The following FHIT variants were observed in gnomAD, a reference collection of about 807,000 sequenced individuals.
FHIT encodes the protein fragile histidine triad diadenosine triphosphatase.
FHIT carries 19 observed loss-of-function variants against 17.9 expected under a neutral mutation model. That is an observed-to-expected ratio of 1.06 (90% CI 0.74 to 1.56). FHIT has a LOEUF of 1.56. Among genes scored for constraint, FHIT ranks in the 40% most tolerant of loss-of-function variants. The pLI, the probability that FHIT is intolerant of heterozygous loss-of-function variation, is 0.00. For missense variants in FHIT, 248 were observed against 189.2 expected (o/e 1.31, Z -1.82); for synonymous variants, 81 against 69.7 (o/e 1.16, Z -0.81).
At chr3:60,106,773 G>C (rs1704435209) in intron 5 of FHIT, among the ~76,000 whole-genome samples, 1 of 152,148 alleles carries the variant, frequency 6.6e-6, no homozygotes, top group African/African-American at 2.4e-5. Flanking sequence ...AATATTGATG[G>C]ACGGCAGGAA....
At chr3:60,210,511 A>G (rs1703398669) in intron 5 of FHIT, among the ~76,000 whole-genome samples, 1 of 113,670 alleles carries the variant, frequency 8.8e-6, no homozygotes, top group Non-Finnish European at 1.8e-5. Context: ...GCTTCACTAG[A>G]GATAAAAATC....
intron 5 of FHIT, among the ~76,000 whole-genome samples, chr3:60,491,698 T>G (rs9311766): frequency 0.1 from 15,876 of 152,226 alleles, 1,202 homozygotes; most frequent in East Asian, 0.36. Context: ...TAATCATTTT[T>G]AGCCATGGAT....
intron 4 of FHIT, among the ~76,000 whole-genome samples, chr3:60,560,805 A>G (rs1301860517): frequency 5.3e-5 from 2 of 38,076 alleles, no homozygotes; most frequent in Non-Finnish European, 1.0e-4. Flanking sequence ...GTAAGGAGAC[A>G]CACACACACA....
At chr3:59,988,405 C>T (rs565587625) in intron 7 of FHIT, among the ~76,000 whole-genome samples, 2 of 151,976 alleles carry the variant, frequency 1.3e-5, no homozygotes, top group Non-Finnish European at 2.9e-5. Flanking sequence ...GTAACATGAT[C>T]GAATAAAGCA....
In FHIT at chr3:60,441,796, A is replaced by ATGTGTGTGTGTG. The variant is rs1231842131; in HGVS notation, c.103+95063_103+95064insCACACACACACA. 1.0e-3 allele frequency among the ~76,000 whole-genome samples: 69 copies of ATGTGTGTGTGTG among 66,080 alleles called. 4 individuals carry two copies. The highest frequency in any genetic ancestry group is 2.8e-3 in the African/African-American group (64 of 22,788). The allele number at this position is 66,080 out of a possible 152,430, so 43.4% of individuals were successfully genotyped here. ...TATATGTATAAAAATATATATATATATATATATATATATATATATCAGGTC... is the reference window on the plus strand; with the variant it reads ...TATATGTATAAAAATATATATATATATGTGTGTGTGTGTATATATATATATATATATCAGGTC... On this transcript the variant is annotated intron_variant, in intron 5 of 9. Coordinates refer to ENST00000492590, the MANE Select transcript of FHIT (RefSeq NM_002012.4).
Position 60,011,386 on chromosome 3 carries a change from G to A in FHIT, c.264C>T (p.Ala88=), listed in dbSNP as rs1130972. 239,376 of 1,610,020 alleles carry A rather than the reference G, an allele frequency of 0.15. 19,858 individuals are homozygous for A. The highest frequency in any genetic ancestry group is 0.17 in the Admixed American group (10,239 of 59,956). ...AAGCACTCACCTTCACAGTCTGTCC[G>A]GCTTCGGGGCCATCCTAGAAGTAGG... is the stretch of plus-strand genomic sequence containing the variant. The part of the protein sequence containing the change: ...LTFSMQDGPE[A]GQTVKHVHVH... Residue 88 remains alanine, a synonymous_variant, in exon 7 of 10, where the codon GCC becomes GCT. Transcript: ENST00000492590.
At chr3:60,402,261 T>C (rs190158420) in intron 5 of FHIT, among the ~76,000 whole-genome samples, 7 of 152,302 alleles carry the variant, frequency 4.6e-5, no homozygotes, top group Non-Finnish European at 8.8e-5. Context: ...AATCTAAGAA[T>C]AACATGCAGT....
chr3:60,092,618 T>A (rs1351226749), intron 5 of FHIT, among the ~76,000 whole-genome samples: 1 of 152,016 alleles, frequency 6.6e-6, no homozygotes, highest in Non-Finnish European at 1.5e-5. Context: ...AACAAGTCAC[T>A]AGGAGGCCAG....
intron 5 of FHIT, among the ~76,000 whole-genome samples, chr3:60,234,295 AAC>A (rs1704653949): frequency 6.6e-6 from 1 of 152,230 alleles, no homozygotes; most frequent in Non-Finnish European, 1.5e-5. Context: ...ATGAATAGTT[AAC>A]ACTAACGGAT....
chr3:61,107,073 T>C (rs983093955), intron 2 of FHIT, among the ~76,000 whole-genome samples: 6 of 152,296 alleles, frequency 3.9e-5, no homozygotes, highest in East Asian at 1.9e-4. Flanking sequence ...ATCTCTTTAA[T>C]TCATTCCTCC....
rs562551886 is a variant in FHIT, at chr3:60,324,319, C to G, written c.103+212541G>C. Reference sequence around the variant, plus strand: ...CAGTTACTAAGGCCGGGCGCGATGGCTCACGCCTGTAATCCCAGAACTTTG... The same window carrying G: ...CAGTTACTAAGGCCGGGCGCGATGGGTCACGCCTGTAATCCCAGAACTTTG... On this transcript the variant is annotated intron_variant, in intron 5 of 9. Coordinates refer to ENST00000492590, the MANE Select transcript of FHIT (RefSeq NM_002012.4). Among the ~76,000 whole-genome samples the G allele has an allele frequency of 4.9e-3, 530 of 107,970 alleles. 3 individuals are homozygous for G. Among genetic ancestry groups the G allele is most frequent in the African/African-American group, 0.018 (507 of 27,852 alleles). 70.8% of individuals were successfully genotyped at this position (107,970 alleles called of 152,430 possible).
intron 5 of FHIT, among the ~76,000 whole-genome samples, chr3:60,367,426 G>C (rs1029041400): frequency 1.3e-5 from 2 of 152,132 alleles, no homozygotes; most frequent in African/African-American, 4.8e-5. Flanking sequence ...TTAAACGGGA[G>C]TTTTTGCTAA....
chr3:60,303,433 A>C (rs918101022), intron 5 of FHIT, among the ~76,000 whole-genome samples: 2 of 152,166 alleles, frequency 1.3e-5, no homozygotes, highest in East Asian at 3.9e-4. Context: ...GAGGAGAGTA[A>C]CACAGTCTAT....
intron 5 of FHIT, among the ~76,000 whole-genome samples, chr3:60,014,433 A>G (rs912386333): frequency 1.3e-5 from 2 of 152,344 alleles, no homozygotes; most frequent in African/African-American, 4.8e-5. Flanking sequence ...GTATGGTGAG[A>G]TAATTATGCG....
chr3:61,034,646 G>C (rs573072196), intron 3 of FHIT, among the ~76,000 whole-genome samples: 1 of 152,270 alleles, frequency 6.6e-6, no homozygotes, highest in Non-Finnish European at 1.5e-5. Flanking sequence ...TGTTGGTAAA[G>C]ATATAGAGAA....
chr3:60,127,896 G>T (rs1210496306), intron 5 of FHIT, among the ~76,000 whole-genome samples: 18 of 152,148 alleles, frequency 1.2e-4, no homozygotes, highest in Admixed American at 1.0e-3. Context: ...CTCTCCAAGT[G>T]CTGGGATTAC....
intron 8 of FHIT, among the ~76,000 whole-genome samples, chr3:59,858,387 T>C (rs988662136): frequency 2.0e-5 from 3 of 151,734 alleles, no homozygotes; most frequent in Non-Finnish European, 2.9e-5. Context: ...CCACTACGCC[T>C]GGCTAATTTT....
intron 5 of FHIT, among the ~76,000 whole-genome samples, chr3:60,069,591 T>G (rs550847611): frequency 6.6e-6 from 1 of 152,208 alleles, no homozygotes; most frequent in African/African-American, 2.4e-5. Flanking sequence ...GATTTTCAGT[T>G]AACCATCATT....
rs530944530 is a variant in FHIT at position 60,376,638 on chromosome 3, T to C, written c.103+160222A>G. 9.8e-4 allele frequency among the ~76,000 whole-genome samples: 150 copies of C among 152,304 alleles called. 1 individual carries two copies. The highest frequency in any genetic ancestry group is 3.3e-3 in the African/African-American group (138 of 41,564). On this transcript the variant is annotated intron_variant, in intron 5 of 9. Coordinates refer to ENST00000492590, the MANE Select transcript of FHIT (RefSeq NM_002012.4). ...AACTCACAATTTAGCTCAGGATGTA[T>C]GAAAAAGTTGACACAAAGAAGCTGT...
Sources: gnomAD v4.1 joint callset for allele counts (sites outside exome capture counted in the v4.1 genomes callset) on GRCh38, gnomAD v4.1.1 for gene constraint, MANE v1.5 for transcripts, NCBI Gene and HGNC (gene_info 2026-07-23, HGNC 2026-07-21) for gene names.